The following OPCML variants were observed in gnomAD, a reference collection of about 807,000 sequenced individuals.
The protein encoded by OPCML is opioid-binding protein/cell adhesion molecule.
Under a neutral mutation model 37.8 loss-of-function variants are expected in OPCML, and 13 were observed. The observed-to-expected ratio is 0.34, with a 90% CI of 0.22 to 0.55. The LOEUF (loss-of-function observed/expected upper bound fraction) is 0.55, where lower values mean the gene tolerates loss of function less well. OPCML is among the 20% of genes least tolerant of loss of function. OPCML has a pLI of 0.91. For synonymous variants in OPCML, 176 were observed against 168.8 expected (o/e 1.04, Z -0.33); for missense variants, 341 against 435.6 (o/e 0.78, Z 1.93).
chr11:133,353,235 C>T lies in OPCML; in HGVS notation c.61+179029G>A, dbSNP rs1185963583. ...AGCTTGGAGTGCAGTGGTGTGATCT[C>T]GGCTCACTACAGCCTCTGCCTCCCA... On this transcript the variant is annotated intron_variant, in intron 1 of 7. Coordinates refer to ENST00000524381, the MANE Select transcript of OPCML (RefSeq NM_001012393.5). 1.3e-5 allele frequency among the ~76,000 whole-genome samples: 2 copies of T among 151,296 alleles called. 1 individual carries two copies. Among genetic ancestry groups the T allele is most frequent in the Admixed American group, 1.3e-4 (2 of 15,194 alleles).
At chr11:133,386,713 C>T (rs1945062727) in intron 1 of OPCML, among the ~76,000 whole-genome samples, 1 of 152,238 alleles carries the variant, frequency 6.6e-6, no homozygotes, top group Non-Finnish European at 1.5e-5. Flanking sequence ...CAAATCACAT[C>T]TAAATAATGA....
chr11:133,123,470 C>A (rs558512545), intron 1 of OPCML, among the ~76,000 whole-genome samples: 22 of 152,260 alleles, frequency 1.4e-4, no homozygotes, highest in African/African-American at 5.3e-4. Context: ...TTTACAAAAT[C>A]TTTGCTTTTA....
At chr11:132,818,397 C>G (rs1317739992) in intron 2 of OPCML, among the ~76,000 whole-genome samples, 1 of 151,904 alleles carries the variant, frequency 6.6e-6, no homozygotes, top group Non-Finnish European at 1.5e-5. Flanking sequence ...TTCCTGTAAT[C>G]AGTTGAACCC....
At chr11:132,619,135 C>T (rs536896249) in intron 3 of OPCML, among the ~76,000 whole-genome samples, 2 of 152,230 alleles carry the variant, frequency 1.3e-5, no homozygotes, top group South Asian at 2.1e-4. Context: ...CCTCCAGGTT[C>T]GGTACTCCAG....
intron 1 of OPCML, among the ~76,000 whole-genome samples, chr11:133,103,041 A>T (rs1208010045): frequency 6.6e-6 from 1 of 152,204 alleles, no homozygotes; most frequent in Non-Finnish European, 1.5e-5. Context: ...AGCTTCTCAT[A>T]CTTGAATCCA....
At chr11:132,971,394 T>C (rs1248857925) in intron 1 of OPCML, among the ~76,000 whole-genome samples, 1 of 152,204 alleles carries the variant, frequency 6.6e-6, no homozygotes, top group Non-Finnish European at 1.5e-5. Context: ...CAGATTTTCA[T>C]GACTTTATCA....
At chr11:132,708,308 C>T (rs558694440) in intron 2 of OPCML, among the ~76,000 whole-genome samples, 1 of 152,148 alleles carries the variant, frequency 6.6e-6, no homozygotes, top group Non-Finnish European at 1.5e-5. Flanking sequence ...GAGGAATTAA[C>T]ATTTTCTTTT....
At chr11:132,700,431 T>C (rs1943761007) in intron 2 of OPCML, among the ~76,000 whole-genome samples, 1 of 152,158 alleles carries the variant, frequency 6.6e-6, no homozygotes, top group Non-Finnish European at 1.5e-5. Context: ...TGCTATAATA[T>C]CTCCACTTGA....
intron 1 of OPCML, among the ~76,000 whole-genome samples, chr11:133,457,547 C>T (rs987418304): frequency 6.6e-6 from 1 of 151,232 alleles, no homozygotes; most frequent in Non-Finnish European, 1.5e-5. Flanking sequence ...TCTATGGCCT[C>T]TTTTTATTTT....
At chr11:133,336,523 C>CA (rs1943747748) in intron 1 of OPCML, among the ~76,000 whole-genome samples, 1 of 152,010 alleles carries the variant, frequency 6.6e-6, no homozygotes. Flanking sequence ...AGATGGAAGT[C>CA]AATATAGAAT....
chr11:133,335,504 G>A (rs927449487), intron 1 of OPCML, among the ~76,000 whole-genome samples: 3 of 152,182 alleles, frequency 2.0e-5, no homozygotes, highest in Non-Finnish European at 4.4e-5. Flanking sequence ...TGCTGCTGGT[G>A]TAGGCAAACT....
At chr11:132,527,994 C>T (rs568858142) in intron 4 of OPCML, among the ~76,000 whole-genome samples, 5 of 152,114 alleles carry the variant, frequency 3.3e-5, no homozygotes, top group East Asian at 1.9e-4. Context: ...AGGGGAAAGA[C>T]GTGGAATGGA....
intron 1 of OPCML, chr11:133,417,980 C>T: frequency 9.5e-6 from 7 of 733,008 alleles, no homozygotes; most frequent in Non-Finnish European, 1.2e-5. Flanking sequence ...TTTACACAAG[C>T]TTTGTTCCTT....
intron 2 of OPCML, among the ~76,000 whole-genome samples, chr11:132,728,385 C>T (rs149501321): frequency 0.016 from 2,402 of 152,238 alleles, 63 homozygotes; most frequent in African/African-American, 0.054. Context: ...GTGAAGGCAT[C>T]GTTTGGGTGT....
intron 1 of OPCML, among the ~76,000 whole-genome samples, chr11:132,998,824 G>T (rs1464151870): frequency 1.3e-5 from 2 of 152,170 alleles, no homozygotes; most frequent in Non-Finnish European, 2.9e-5. Flanking sequence ...CAGGAAGTAG[G>T]CCCTTGCCAG....
At chr11:132,716,604 T>G (rs1195979014) in intron 2 of OPCML, among the ~76,000 whole-genome samples, 1 of 152,182 alleles carries the variant, frequency 6.6e-6, no homozygotes, top group African/African-American at 2.4e-5. Flanking sequence ...GAGATGCAAT[T>G]TAATAGAATT....
chr11:132,745,580 A>AAAAAAAAAAAAG (rs1555183231), intron 2 of OPCML, among the ~76,000 whole-genome samples: 3 of 87,554 alleles, frequency 3.4e-5, no homozygotes, highest in Admixed American at 1.0e-4. Flanking sequence ...AAAAAAAAAA[A>AAAAAAAAAAAAG]AAAGAAAGAA....
intron 3 of OPCML, among the ~76,000 whole-genome samples, chr11:132,646,015 A>G (rs1941130997): frequency 6.6e-6 from 1 of 152,216 alleles, no homozygotes; most frequent in African/African-American, 2.4e-5. Context: ...GGGATTACAC[A>G]AGGACAAACT....
At chr11:133,143,244 C>T (rs1232930857) in intron 1 of OPCML, among the ~76,000 whole-genome samples, 1 of 152,184 alleles carries the variant, frequency 6.6e-6, no homozygotes, top group Non-Finnish European at 1.5e-5. Context: ...GTCTGTCTCT[C>T]CTTCTAAGGC....
Sources: allele counts gnomAD v4.1 joint callset (sites outside exome capture counted in the v4.1 genomes callset), GRCh38; gene constraint gnomAD v4.1.1; transcripts MANE v1.5; gene names NCBI Gene and HGNC (gene_info 2026-07-23, HGNC 2026-07-21).